CAB39L: variants seen among roughly 807,000 people sequenced by gnomAD.
CAB39L encodes calcium-binding protein 39-like.
Under a neutral mutation model 39.1 loss-of-function variants are expected in CAB39L, and 23 were observed. The ratio of observed to expected loss-of-function variants is 0.59; its 90% CI spans 0.42 to 0.83. The LOEUF (loss-of-function observed/expected upper bound fraction) is 0.83. Ranked by LOEUF, CAB39L falls within the 40% of genes least tolerant of loss-of-function variation. The probability of loss-of-function intolerance (pLI) is 0.00; values close to 1 mark genes in which losing one functional copy is unlikely to be tolerated. For synonymous variants in CAB39L, 126 were observed against 137.2 expected, an observed-to-expected ratio of 0.92 and a Z score of 0.57; for missense variants, 366 against 391.9, an observed-to-expected ratio of 0.93 and a Z score of 0.56.
intron 3 of CAB39L, among the ~76,000 whole-genome samples, chr13:49,388,387 C>A (rs1162311223): frequency 6.6e-6 from 1 of 152,126 alleles, no homozygotes; most frequent in African/African-American, 2.4e-5. Flanking sequence ...TAAACATTTC[C>A]TTCTCAGATC....
In CAB39L at chr13:49,395,373, T is replaced by C. The variant is rs370631977; in HGVS notation, c.-31-12432A>G. 8.9e-4 allele frequency among the ~76,000 whole-genome samples: 135 copies of C among 152,014 alleles called. 3 individuals are homozygous for C. In the South Asian group the frequency reaches 0.027, roughly 30 times the overall value. On this transcript the variant is annotated intron_variant, in intron 3 of 10. Transcript: ENST00000409308. Reference sequence around the variant, plus strand: ...GCCTCAGCCTCCCGAGTAGCTGGGATTACAGGCACTCACCACCACGTTCGG... The same window carrying C: ...GCCTCAGCCTCCCGAGTAGCTGGGACTACAGGCACTCACCACCACGTTCGG...
At chr13:49,348,202 C>T (rs138384688) in intron 7 of CAB39L, among the ~76,000 whole-genome samples, 17 of 152,232 alleles carry the variant, frequency 1.1e-4, no homozygotes, top group Admixed American at 4.6e-4. Context: ...CATTGCGGTT[C>T]CTTTCCTCTG....
intron 4 of CAB39L, 135 bp downstream of exon 4, chr13:49,382,665 C>T (rs893257671): frequency 3.3e-6 from 2 of 611,708 alleles, no homozygotes; most frequent in African/African-American, 3.8e-5. Context: ...AACCTGAAAT[C>T]AACTTAAATC....
At chr13:49,373,727 G>C (rs747301719) in intron 5 of CAB39L, among the ~76,000 whole-genome samples, 3 of 152,154 alleles carry the variant, frequency 2.0e-5, no homozygotes, top group African/African-American at 4.8e-5. Flanking sequence ...CATGCCACTA[G>C]GTGTGGCAAA....
chr13:49,346,300 T>A (rs1348103115), intron 7 of CAB39L, among the ~76,000 whole-genome samples: 2 of 131,184 alleles, frequency 1.5e-5, no homozygotes, highest in South Asian at 2.3e-4. Flanking sequence ...CATAGACAAA[T>A]ATAATTGCTG....
At chr13:49,442,787 C>CAAAAAAAAA (rs71078844) in intron 1 of CAB39L, among the ~76,000 whole-genome samples, 41 of 103,672 alleles carry the variant, frequency 4.0e-4, no homozygotes, top group African/African-American at 7.2e-4. Context: ...GACTCCATCT[C>CAAAAAAAAA]AAAAAAAAAA....
chr13:49,394,794 T>C (rs1956571540), intron 3 of CAB39L, among the ~76,000 whole-genome samples: 1 of 152,168 alleles, frequency 6.6e-6, no homozygotes, highest in Non-Finnish European at 1.5e-5. Flanking sequence ...AGGCAGATTC[T>C]TTTCTTTCTC....
At chr13:49,403,839 T>C (rs1328265262) in intron 3 of CAB39L, among the ~76,000 whole-genome samples, 1 of 151,624 alleles carries the variant, frequency 6.6e-6, no homozygotes, top group African/African-American at 2.4e-5. Flanking sequence ...AATAGCAGAC[T>C]GCACACCGCA....
chr13:49,418,162 C>T (rs1203565831), intron 3 of CAB39L, among the ~76,000 whole-genome samples: 1 of 152,054 alleles, frequency 6.6e-6, no homozygotes, highest in African/African-American at 2.4e-5. Flanking sequence ...CCATTAACTG[C>T]TGAATGGATA....
At chr13:49,432,916 C>T (rs1267143329) in intron 3 of CAB39L, among the ~76,000 whole-genome samples, 2 of 152,184 alleles carry the variant, frequency 1.3e-5, no homozygotes, top group Non-Finnish European at 2.9e-5. Flanking sequence ...CTCTAGTCCT[C>T]ATCCTGCTCC....
At chr13:49,331,643 G>A (rs1298099407) in intron 10 of CAB39L, among the ~76,000 whole-genome samples, 4 of 152,134 alleles carry the variant, frequency 2.6e-5, no homozygotes, top group Admixed American at 2.0e-4. Flanking sequence ...AAGCATTCAA[G>A]GCCGACACTC....
chr13:49,365,263 A>G (rs1955742049), intron 5 of CAB39L, among the ~76,000 whole-genome samples: 2 of 152,360 alleles, frequency 1.3e-5, no homozygotes, highest in South Asian at 4.1e-4. Context: ...GAATGAAATT[A>G]GACCCCTATC....
chr13:49,349,895 C>T (rs1186619678), intron 7 of CAB39L, among the ~76,000 whole-genome samples: 3 of 152,050 alleles, frequency 2.0e-5, no homozygotes, highest in African/African-American at 7.2e-5. Context: ...ATAGAAATCT[C>T]GAATGTAACA....
intron 3 of CAB39L, among the ~76,000 whole-genome samples, chr13:49,399,304 C>G (rs1327702578): frequency 6.6e-6 from 1 of 151,996 alleles, no homozygotes; most frequent in African/African-American, 2.4e-5. Context: ...GATTAGATCT[C>G]AAAAACAGTG....
intron 3 of CAB39L, chr13:49,414,014 G>A (rs773899425): frequency 1.3e-5 from 2 of 152,138 alleles, no homozygotes; most frequent in Non-Finnish European, 2.9e-5. Context: ...CTCCTTAAAA[G>A]GCAATTTAAC....
chr13:49,364,502 A>G (rs1324738315), intron 5 of CAB39L, among the ~76,000 whole-genome samples: 1 of 152,212 alleles, frequency 6.6e-6, no homozygotes, highest in Non-Finnish European at 1.5e-5. Flanking sequence ...AAGTCAAATT[A>G]TCCTTGTTTG....
At chr13:49,323,962 C>T (rs1253339978) in intron 10 of CAB39L, among the ~76,000 whole-genome samples, 1 of 152,250 alleles carries the variant, frequency 6.6e-6, no homozygotes, top group East Asian at 1.9e-4. Flanking sequence ...TGTATTTTAT[C>T]TGGCAATCCT....
chr13:49,325,197 C>T (rs1954462099), intron 10 of CAB39L, among the ~76,000 whole-genome samples: 1 of 152,090 alleles, frequency 6.6e-6, no homozygotes, highest in Non-Finnish European at 1.5e-5. Flanking sequence ...AGAAGTGAGG[C>T]CTTAATTATG....
At chr13:49,380,067 C>T (rs1372396179) in intron 4 of CAB39L, among the ~76,000 whole-genome samples, 1 of 152,136 alleles carries the variant, frequency 6.6e-6, no homozygotes, top group Non-Finnish European at 1.5e-5. Flanking sequence ...TCTCGATCTC[C>T]TGAACTTGTG....
Sources: gnomAD v4.1 joint callset for allele counts (sites outside exome capture counted in the v4.1 genomes callset) on GRCh38, gnomAD v4.1.1 for gene constraint, MANE v1.5 for transcripts, NCBI Gene and HGNC (gene_info 2026-07-23, HGNC 2026-07-21) for gene names.